The following FGD5 variants were observed in gnomAD, a reference collection of about 807,000 sequenced individuals.
FGD5 encodes FYVE, RhoGEF and PH domain containing 5.
Under a neutral mutation model 133.4 loss-of-function variants are expected in FGD5, and 28 were observed. The ratio of observed to expected loss-of-function variants is 0.21; its 90% CI spans 0.16 to 0.29. FGD5 has a LOEUF of 0.29. Ranked by LOEUF, FGD5 falls within the 10% of genes least tolerant of loss-of-function variation. The pLI is 1.00. For synonymous variants in FGD5, 810 were observed against 776.5 expected (o/e 1.04, Z -0.72); for missense variants, 1,858 against 1,895.2 (o/e 0.98, Z 0.36).
intron 1 of FGD5, among the ~76,000 whole-genome samples, chr3:14,830,259 G>A (rs744892): frequency 0.11 from 17,339 of 152,204 alleles, 1,426 homozygotes; most frequent in East Asian, 0.41. Flanking sequence ...TAATGCATGT[G>A]GCTGTGCTTC....
At chr3:14,833,561 C>T (rs1211251005) in intron 1 of FGD5, among the ~76,000 whole-genome samples, 1 of 152,118 alleles carries the variant, frequency 6.6e-6, no homozygotes, top group African/African-American at 2.4e-5. Flanking sequence ...ATGAGGCTTG[C>T]ACAGGCCAGG....
chr3:14,868,265 C>T (rs930124969), intron 2 of FGD5, among the ~76,000 whole-genome samples: 6 of 152,060 alleles, frequency 3.9e-5, no homozygotes, highest in Non-Finnish European at 7.4e-5. Context: ...CAGCCCCTCC[C>T]AGGGACCCCC....
At chr3:14,928,130 C>T (rs898949072) in intron 18 of FGD5, among the ~76,000 whole-genome samples, 20 of 151,890 alleles carry the variant, frequency 1.3e-4, no homozygotes, top group Admixed American at 7.2e-4. Flanking sequence ...TTAGTAGAGA[C>T]GAGGTTTCAC....
At chr3:14,859,684 G>A (rs1450440543) in intron 1 of FGD5, among the ~76,000 whole-genome samples, 3 of 152,320 alleles carry the variant, frequency 2.0e-5, no homozygotes, top group Non-Finnish European at 4.4e-5. Context: ...ACCCTGCTGT[G>A]CAGTAGTCTC....
intron 11 of FGD5, among the ~76,000 whole-genome samples, chr3:14,915,584 T>C (rs1222093235): frequency 1.3e-5 from 2 of 152,218 alleles, no homozygotes; most frequent in Non-Finnish European, 2.9e-5. Flanking sequence ...TGGTTCATGT[T>C]GGCACCATGT....
chr3:14,932,523 A>G, intron 18 of FGD5, 54 bp from the exon 19 acceptor site: 1 of 1,571,586 alleles, frequency 6.4e-7, no homozygotes, highest in East Asian at 2.2e-5. Flanking sequence ...ATAACAGTAA[A>G]TGACTATGCA....
chr3:14,866,704 A>G (rs778851203), intron 2 of FGD5, among the ~76,000 whole-genome samples: 53 of 152,264 alleles, frequency 3.5e-4, no homozygotes, highest in Non-Finnish European at 3.5e-4. Flanking sequence ...TACCAAGGTC[A>G]GAGCTTTTGA....
chr3:14,854,417 A>G (rs927237372), intron 1 of FGD5, among the ~76,000 whole-genome samples: 4 of 134,072 alleles, frequency 3.0e-5, no homozygotes, highest in Non-Finnish European at 6.3e-5. Flanking sequence ...TTATTTATTT[A>G]TTTATTTATT....
In FGD5 at chr3:14,821,168, C is replaced by T; in HGVS notation, c.2097C>T (p.Ser699=). 1 of 1,613,968 alleles carries T rather than the reference C, an allele frequency of 6.2e-7. No individual in the cohort carries two copies. The highest frequency in any genetic ancestry group is 1.3e-5 in the African/African-American group (1 of 75,030). Residue 699 remains serine, a synonymous_variant, in exon 1 of 20, where the codon AGC becomes AGT. Coordinates refer to ENST00000285046, the MANE Select transcript of FGD5 (RefSeq NM_152536.4). The stretch of plus-strand genomic sequence containing the variant: ...GGATTCTGGAAGTTGACCGGAGAAG[C>T]CTCAGCAACTCCCCTCAGCTTAAGT... ...PSRILEVDRR[S]LSNSPQLKSR... is the part of the protein sequence containing the mutation.
chr3:14,852,289 A>G lies in FGD5; in HGVS notation c.2526-11839A>G, dbSNP rs547669471. Among the ~76,000 whole-genome samples, 13 of 152,366 alleles carry G rather than the reference A, an allele frequency of 8.5e-5. No individual in the cohort carries two copies. The South Asian group carries it at 2.7e-3, about 32-fold the overall frequency. On this transcript the variant is annotated intron_variant, in intron 1 of 19. Transcript: ENST00000285046. Reference sequence around the variant, plus strand: ...AGAATGAAGAGCTGACACATGCTACAAAATGGGTGGACCTGGAAAACACAC... The same window carrying G: ...AGAATGAAGAGCTGACACATGCTACGAAATGGGTGGACCTGGAAAACACAC...
intron 11 of FGD5, among the ~76,000 whole-genome samples, chr3:14,916,692 C>T (rs533633481): frequency 2.6e-5 from 4 of 152,224 alleles, no homozygotes; most frequent in East Asian, 1.9e-4. Flanking sequence ...CCTCTGTGCC[C>T]GTTTGGAGTT....
At position 14,824,079 on chromosome 3, in the gene FGD5, G is replaced by A. The variant is rs559455154; in HGVS notation, c.2525+2483G>A. 2.6e-5 allele frequency among the ~76,000 whole-genome samples: 4 copies of A among 152,314 alleles called. No individual in the cohort carries two copies. In the East Asian group the frequency reaches 7.7e-4, roughly 29 times the overall value. The stretch of plus-strand genomic sequence containing the variant: ...TTCAAAAGCACGGTTGCACCACTCT[G>A]ATGCTATTTCGCCAAAGGCCAGACT... On this transcript the variant is annotated intron_variant, in intron 1 of 19. Transcript: ENST00000285046.
rs2036498755 is a variant in FGD5 at position 14,821,387 on chromosome 3, A to T, written c.2316A>T (p.Ser772=). 4 of 1,613,982 alleles carry T rather than the reference A, an allele frequency of 2.5e-6. No individual in the cohort carries two copies. The highest frequency in any genetic ancestry group is 2.7e-5 in the African/African-American group (2 of 75,036). Reference sequence around the variant, plus strand: ...TCTCCTTCCCCAGCGCTGACACTTCAGACTATGAGAACATTCCAGCCATGA... The same window carrying T: ...TCTCCTTCCCCAGCGCTGACACTTCTGACTATGAGAACATTCCAGCCATGA... The part of the protein sequence containing the change: ...RSISFPSADT[S]DYENIPAMNS... The change falls in exon 1 of 20, where the codon TCA becomes TCT. Residue 772 remains serine, a synonymous_variant. Transcript: ENST00000285046.
At chr3:14,897,799 C>A in intron 5 of FGD5, 130 bp downstream of exon 5, 1 of 1,452,266 alleles carries the variant, frequency 6.9e-7, no homozygotes, top group South Asian at 1.4e-5. Flanking sequence ...AGTGTTAAGT[C>A]ATTTGCTCAA....
chr3:14,919,311 T>C (rs2038625413), intron 13 of FGD5, among the ~76,000 whole-genome samples: 2 of 152,194 alleles, frequency 1.3e-5, no homozygotes, highest in African/African-American at 2.4e-5. Flanking sequence ...TCTTAGTCCA[T>C]TCAGGCCACT....
chr3:14,822,877 G>A (rs1163538956), intron 1 of FGD5, among the ~76,000 whole-genome samples: 1 of 152,202 alleles, frequency 6.6e-6, no homozygotes, highest in Non-Finnish European at 1.5e-5. Context: ...TTTGCAATTA[G>A]CATTAGCTGT....
In FGD5 at chr3:14,840,582, C is replaced by T. The variant is rs550994176; in HGVS notation, c.2525+18986C>T. On this transcript the variant is annotated intron_variant, in intron 1 of 19. Transcript: ENST00000285046. ...CCCTGTCAGCACAGGCAGATCCACT[C>T]CCGTTCTTTTTAATGACTGCAAGGA... Among the ~76,000 whole-genome samples the T allele has an allele frequency of 8.5e-4, 129 of 152,266 alleles. 1 individual carries two copies. Among genetic ancestry groups the T allele is most frequent in the Middle Eastern group, 3.4e-3 (1 of 294 alleles).
In FGD5 at chr3:14,929,457, CCAA is replaced by C. The variant is rs768580807; in HGVS notation, c.4198-3115_4198-3113del. Among the ~76,000 whole-genome samples the C allele has an allele frequency of 6.6e-5, 10 of 152,292 alleles. 2 individuals are homozygous for C. Among genetic ancestry groups the C allele is most frequent in the East Asian group, 3.9e-4 (2 of 5,192 alleles). On this transcript the variant is annotated intron_variant, in intron 18 of 19. Transcript: ENST00000285046. ...AAGTGGTGTGCCATTTTACACTCCC[CCAA>C]CAACGTGTGTGAATTTGAGTTCTGG...
intron 9 of FGD5, among the ~76,000 whole-genome samples, chr3:14,901,975 C>T (rs545736526): frequency 7.2e-5 from 11 of 152,142 alleles, no homozygotes; most frequent in African/African-American, 1.9e-4. Flanking sequence ...CCCTTCCAGC[C>T]GAGGTTGCCA....
Sources: allele counts gnomAD v4.1 joint callset (sites outside exome capture counted in the v4.1 genomes callset), GRCh38; gene constraint gnomAD v4.1.1; transcripts MANE v1.5; gene names NCBI Gene and HGNC (gene_info 2026-07-23, HGNC 2026-07-21).